SOX5: variants seen among roughly 807,000 people sequenced by gnomAD.
SOX5 encodes transcription factor SOX-5.
A neutral mutation model predicts 92.0 loss-of-function variants in SOX5; 9 were observed. The observed-to-expected ratio is 0.10, with a 90% CI of 0.06 to 0.17. The LOEUF (loss-of-function observed/expected upper bound fraction) is 0.17, where lower values mean the gene tolerates loss of function less well. Among genes scored for constraint, SOX5 ranks in the 10% least tolerant of loss-of-function variants. The pLI, the probability that SOX5 is intolerant of heterozygous loss-of-function variation, is 1.00. For synonymous variants in SOX5, 344 were observed against 336.3 expected (o/e 1.02, Z -0.25); for missense variants, 642 against 944.5 (o/e 0.68, Z 4.20).
Position 23,665,553 on chromosome 12 carries a change from C to A in SOX5, c.822G>T (p.Gln274His). 6.2e-7 allele frequency: 1 copy of A among 1,612,790 alleles called. No individual in the cohort carries two copies. ...LLQQQIQVQG[Q>H]LPPLMIPVFP... Reference sequence around the variant, plus strand: ...ATACGGGAATCATTAATGGCGGCAGCTGACCTTGAACCTGCTGAACGTGAT... The same window carrying A: ...ATACGGGAATCATTAATGGCGGCAGATGACCTTGAACCTGCTGAACGTGAT... The change falls in exon 7 of 15, where the codon CAG becomes CAT. Residue 274 changes from glutamine (Q) to histidine (H), a missense_variant. Transcript: ENST00000451604.
upstream of SOX5, among the ~76,000 whole-genome samples, chr12:23,953,231 T>A (rs1945882157): frequency 6.6e-6 from 1 of 152,114 alleles, no homozygotes; most frequent in Non-Finnish European, 1.5e-5. Flanking sequence ...TTGGGTTATT[T>A]CATTAAATGA....
At chr12:23,680,886 C>A (rs2139800716) in intron 6 of SOX5, among the ~76,000 whole-genome samples, 1 of 135,832 alleles carries the variant, frequency 7.4e-6, no homozygotes, top group Admixed American at 8.0e-5. Context: ...AAGAATAAAT[C>A]CAAAAGAAAG....
intron 2 of SOX5, among the ~76,000 whole-genome samples, chr12:24,319,544 T>C (rs1206247751): frequency 6.6e-6 from 1 of 152,244 alleles, no homozygotes; most frequent in East Asian, 1.9e-4. Flanking sequence ...GTATTCTCAC[T>C]GCTATTTTCT....
At chr12:24,097,399 G>A (rs961223943) in intron 4 of SOX5, among the ~76,000 whole-genome samples, 1 of 151,646 alleles carries the variant, frequency 6.6e-6, no homozygotes, top group Non-Finnish European at 1.5e-5. Context: ...CTATTGTTTT[G>A]ATACTTGTGC....
chr12:24,537,395 C>T (rs1301330644), intron 1 of SOX5, among the ~76,000 whole-genome samples: 2 of 152,200 alleles, frequency 1.3e-5, no homozygotes, highest in African/African-American at 4.8e-5. Context: ...TTCCTAGACA[C>T]AACTCATAAA....
chr12:23,861,665 A>G (rs926797503), intron 2 of SOX5, among the ~76,000 whole-genome samples: 1 of 152,162 alleles, frequency 6.6e-6, no homozygotes, highest in African/African-American at 2.4e-5. Context: ...TACAAGCTCT[A>G]TTTATGTTAT....
intron 2 of SOX5, among the ~76,000 whole-genome samples, chr12:24,282,791 C>T (rs993351137): frequency 6.6e-6 from 1 of 152,184 alleles, no homozygotes; most frequent in Admixed American, 6.5e-5. Context: ...AGATCTGGGT[C>T]TTGACCCCAT....
intron 6 of SOX5, among the ~76,000 whole-genome samples, chr12:23,675,767 G>A (rs1376651756): frequency 1.3e-5 from 2 of 152,086 alleles, no homozygotes; most frequent in Non-Finnish European, 2.9e-5. Flanking sequence ...CCTATGTATT[G>A]GGAGAAAATA....
At chr12:24,098,646 G>T (rs761910668) in intron 4 of SOX5, among the ~76,000 whole-genome samples, 1 of 152,098 alleles carries the variant, frequency 6.6e-6, no homozygotes, top group Non-Finnish European at 1.5e-5. Flanking sequence ...AGCAAAATTT[G>T]CCCTAGTAAA....
chr12:24,230,617 T>C (rs1206104234), intron 3 of SOX5: 1 of 151,658 alleles, frequency 6.6e-6, no homozygotes. Context: ...AGAGAAGAGG[T>C]TGGAATGAAA....
intron 1 of SOX5, among the ~76,000 whole-genome samples, chr12:23,924,983 T>A (rs1939533295): frequency 1.3e-5 from 2 of 149,554 alleles, no homozygotes; most frequent in South Asian, 4.2e-4. Context: ...CCCTGCCAAA[T>A]CCCCCTCTAC....
At chr12:23,565,665 T>C (rs373700737) in intron 10 of SOX5, among the ~76,000 whole-genome samples, 1 of 152,210 alleles carries the variant, frequency 6.6e-6, no homozygotes, top group African/African-American at 2.4e-5. Flanking sequence ...ATTTCCAATT[T>C]GAGATGTGTG....
At chr12:24,372,703 A>G (rs1378394913) in intron 1 of SOX5, among the ~76,000 whole-genome samples, 1 of 152,182 alleles carries the variant, frequency 6.6e-6, no homozygotes, top group African/African-American at 2.4e-5. Flanking sequence ...AGGAATCACC[A>G]CACTGTCTTC....
intron 2 of SOX5, among the ~76,000 whole-genome samples, chr12:24,347,388 C>T (rs1953440008): frequency 6.6e-6 from 1 of 152,138 alleles, no homozygotes; most frequent in South Asian, 2.1e-4. Flanking sequence ...GGGATGACTA[C>T]ACACACTATG....
chr12:23,607,471 T>G (rs950191647), intron 8 of SOX5, among the ~76,000 whole-genome samples: 1 of 152,226 alleles, frequency 6.6e-6, no homozygotes, highest in Admixed American at 6.5e-5. Flanking sequence ...GGATAATTTT[T>G]TTAAAATGCT....
intron 6 of SOX5, among the ~76,000 whole-genome samples, chr12:23,668,813 C>T (rs955242437): frequency 6.6e-6 from 1 of 152,106 alleles, no homozygotes; most frequent in African/African-American, 2.4e-5. Context: ...CGTCTTAATG[C>T]TTTTTATGTG....
At chr12:23,615,024 G>A (rs538957366) in intron 8 of SOX5, among the ~76,000 whole-genome samples, 124 of 151,844 alleles carry the variant, frequency 8.2e-4, no homozygotes, top group African/African-American at 2.8e-3. Context: ...GGATGTTCTC[G>A]AACTCCTGAC....
At chr12:24,106,791 A>AAATAAT (rs56341402) in intron 4 of SOX5, among the ~76,000 whole-genome samples, 5,992 of 137,370 alleles carry the variant, frequency 0.044, 154 homozygotes, top group Admixed American at 0.057. Flanking sequence ...GACTCGTCTC[A>AAATAAT]AATAATAATA....
At chr12:24,503,744 T>A (rs2138174820) in intron 1 of SOX5, among the ~76,000 whole-genome samples, 1 of 152,272 alleles carries the variant, frequency 6.6e-6, no homozygotes, top group African/African-American at 2.4e-5. Context: ...AACCACAGCA[T>A]GTTCTCACTC....
Sources: gnomAD v4.1 joint callset for allele counts (sites outside exome capture counted in the v4.1 genomes callset) on GRCh38, gnomAD v4.1.1 for gene constraint, MANE v1.5 for transcripts, NCBI Gene and HGNC (gene_info 2026-07-23, HGNC 2026-07-21) for gene names.